The following SLC10A6 variants were observed in gnomAD, a reference collection of about 807,000 sequenced individuals.
SLC10A6 encodes solute carrier family 10 member 6.
SLC10A6 carries 27 observed loss-of-function variants against 30.0 expected under a neutral mutation model. The ratio of observed to expected loss-of-function variants is 0.90; its 90% CI spans 0.66 to 1.24. The LOEUF (loss-of-function observed/expected upper bound fraction) is 1.24, where lower values mean the gene tolerates loss of function less well. SLC10A6 is among the 50% of genes most tolerant of loss of function. The pLI is 0.00. For missense variants in SLC10A6, 439 were observed against 457.0 expected (o/e 0.96, Z 0.36); for synonymous variants, 166 against 173.8 (o/e 0.95, Z 0.36).
intron 1 of SLC10A6, among the ~76,000 whole-genome samples, chr4:86,847,862 C>T (rs528023629): frequency 1.3e-5 from 2 of 152,264 alleles, no homozygotes; most frequent in East Asian, 1.9e-4. Context: ...GGAAGTGAAA[C>T]GGCATGTTCA....
chr4:86,842,345 C>T (rs2149413477), intron 1 of SLC10A6, among the ~76,000 whole-genome samples: 1 of 152,316 alleles, frequency 6.6e-6, no homozygotes, highest in East Asian at 1.9e-4. Context: ...GACATAAATA[C>T]ATCCTTACGG....
At chr4:86,843,459 GA>G (rs1287346693) in intron 1 of SLC10A6, among the ~76,000 whole-genome samples, 1 of 152,148 alleles carries the variant, frequency 6.6e-6, no homozygotes, top group Non-Finnish European at 1.5e-5. Flanking sequence ...TACGGTAGAG[GA>G]AGGGGGACAT....
rs1378281593 is a variant in SLC10A6 at position 86,827,989 on chromosome 4, A to G, written c.761+4T>C. ...AAAAAAGTTTATGGATAGTTTAACT[A>G]TACCTTTGCCAAGACTGGTGGGTAA... is the stretch of plus-strand genomic sequence containing the variant. On this transcript the variant is annotated splice_donor_region_variant and intron_variant, in intron 4 of 5. Coordinates refer to ENST00000273905, the MANE Select transcript of SLC10A6 (RefSeq NM_197965.3). The G allele has an allele frequency of 6.2e-7, 1 of 1,613,008 alleles. No individual in the cohort carries two copies. Among genetic ancestry groups the G allele is most frequent in the Non-Finnish European group, 8.5e-7 (1 of 1,179,668 alleles).
rs988701754 is a variant in SLC10A6, at chr4:86,824,512, C to G, written c.920-610G>C. On this transcript the variant is annotated intron_variant, in intron 5 of 5. Transcript: ENST00000273905. Reference sequence around the variant, plus strand: ...TTGAGTCTTACTCAGACCCAATTCCCTAACAGCAGCAAAAATTTACCATGG... The same window carrying G: ...TTGAGTCTTACTCAGACCCAATTCCGTAACAGCAGCAAAAATTTACCATGG... Among the ~76,000 whole-genome samples the G allele has an allele frequency of 2.6e-5, 4 of 152,190 alleles. No individual in the cohort carries two copies. In the South Asian group the frequency reaches 8.3e-4, roughly 32 times the overall value.
chr4:86,846,550 T>A (rs1386342588), intron 1 of SLC10A6, among the ~76,000 whole-genome samples: 1 of 152,046 alleles, frequency 6.6e-6, no homozygotes, highest in Admixed American at 6.5e-5. Context: ...CGAAACCCCA[T>A]CTCTACTAAA....
rs1746399244 is a variant in SLC10A6, at chr4:86,846,780, C to CAT, written c.377+1957_377+1958dup. Among the ~76,000 whole-genome samples the CAT allele has an allele frequency of 2.6e-5, 4 of 152,056 alleles. No homozygotes were observed. The South Asian group carries it at 8.3e-4, about 32-fold the overall frequency. ...GTTTGAGTGTGTGTACATATATATA[C>CAT]ATATATATACAGTCTTGTGAGAAAT... is the stretch of plus-strand genomic sequence containing the variant. On this transcript the variant is annotated intron_variant, in intron 1 of 5. Coordinates refer to ENST00000273905, the MANE Select transcript of SLC10A6 (RefSeq NM_197965.3).
intron 4 of SLC10A6, among the ~76,000 whole-genome samples, chr4:86,827,170 C>T (rs895613877): frequency 6.6e-6 from 1 of 152,330 alleles, no homozygotes; most frequent in Middle Eastern, 3.4e-3. Context: ...TGGACTACAT[C>T]TTGCCATAGG....
At chr4:86,829,269 G>C (rs1200007538) in intron 3 of SLC10A6, among the ~76,000 whole-genome samples, 1 of 152,124 alleles carries the variant, frequency 6.6e-6, no homozygotes, top group Non-Finnish European at 1.5e-5. Context: ...AAATTAGCCA[G>C]GCGTGGTGAC....
rs77711775 is a variant in SLC10A6, at chr4:86,839,915, T to A, written c.378-6491A>T. 2.6e-3 allele frequency among the ~76,000 whole-genome samples: 375 copies of A among 144,136 alleles called. 2 individuals are homozygous for A. The highest frequency in any genetic ancestry group is 9.3e-3 in the African/African-American group (349 of 37,644). The allele number at this position is 144,136 out of a possible 152,430, so 94.6% of individuals were successfully genotyped here. ...TTGTTACACTCTTATTTTTTTTTTT[T>A]ATTTTTTTTTTTTAGCTGGAGCTCA... On this transcript the variant is annotated intron_variant, in intron 1 of 5. Coordinates refer to ENST00000273905, the MANE Select transcript of SLC10A6 (RefSeq NM_197965.3).
At chr4:86,827,717 A>T (rs1282474260) in intron 4 of SLC10A6, among the ~76,000 whole-genome samples, 1 of 152,214 alleles carries the variant, frequency 6.6e-6, no homozygotes, top group Non-Finnish European at 1.5e-5. Context: ...GCTTTCTTCT[A>T]CGAAGTGGGA....
chr4:86,833,173 G>C (rs553802879), intron 2 of SLC10A6, 133 bp downstream of exon 2: 17 of 638,954 alleles, frequency 2.7e-5, no homozygotes. Flanking sequence ...AATCTATACT[G>C]TAGGGTTCTT....
chr4:86,846,193 G>C (rs911900496), intron 1 of SLC10A6, among the ~76,000 whole-genome samples: 1 of 152,100 alleles, frequency 6.6e-6, no homozygotes, highest in East Asian at 1.9e-4. Flanking sequence ...CACCGTACTT[G>C]ATTTTCACCT....
At chr4:86,827,917 C>A in intron 4 of SLC10A6, 76 bp downstream of exon 4, 1 of 1,394,552 alleles carries the variant, frequency 7.2e-7, no homozygotes, top group East Asian at 2.4e-5. Flanking sequence ...TCTCCTGACA[C>A]AGGCAGCAAA....
At chr4:86,842,877 T>TCTTTCTTTCTTTCTTTCTTTCTTTC (rs201477476) in intron 1 of SLC10A6, among the ~76,000 whole-genome samples, 46 of 119,810 alleles carry the variant, frequency 3.8e-4, no homozygotes, top group East Asian at 1.2e-3. Flanking sequence ...TTTCTTTCTT[T>TCTTTCTTTCTTTCTTTCTTTCTTTC]TTTTTTTTGA....
Position 86,837,343 on chromosome 4 carries a change from A to AGGC in SLC10A6, c.378-3920_378-3919insGCC, listed in dbSNP as rs1553899234. Among the ~76,000 whole-genome samples, 423 of 102,964 alleles carry AGGC rather than the reference A, an allele frequency of 4.1e-3. 12 individuals carry two copies. Among genetic ancestry groups the AGGC allele is most frequent in the African/African-American group, 0.013 (337 of 25,182 alleles). 67.5% of individuals were successfully genotyped at this position (102,964 alleles called of 152,430 possible). A position where few individuals can be genotyped will look rare whatever the true frequency, so the allele number is the denominator to read the frequency against. On this transcript the variant is annotated intron_variant, in intron 1 of 5. Coordinates refer to ENST00000273905, the MANE Select transcript of SLC10A6 (RefSeq NM_197965.3). ...GAAGGAAGGAAGGAAGGAAGGAAGG[A>AGGC]AGGCAGGCAGGCAGGCTGGGATTTG...
chr4:86,832,433 T>C (rs917783343), intron 2 of SLC10A6, among the ~76,000 whole-genome samples: 58 of 152,120 alleles, frequency 3.8e-4, no homozygotes, highest in Non-Finnish European at 3.1e-4. Context: ...GGTGAAACCC[T>C]GTCTCTCCTA....
intron 3 of SLC10A6, among the ~76,000 whole-genome samples, chr4:86,830,308 G>C (rs1249635764): frequency 6.6e-6 from 1 of 152,194 alleles, no homozygotes; most frequent in African/African-American, 2.4e-5. Context: ...TGAGATGGGA[G>C]CATCATTTGA....
chr4:86,846,462 G>A (rs957152154), intron 1 of SLC10A6, among the ~76,000 whole-genome samples: 1 of 152,184 alleles, frequency 6.6e-6, no homozygotes, highest in African/African-American at 2.4e-5. Context: ...GCTCACGCCT[G>A]TAATCCCAGC....
At position 86,823,893 on chromosome 4, in the gene SLC10A6, G is replaced by A. The variant is rs778369946; in HGVS notation, c.929C>T (p.Thr310Met). 42 of 1,608,256 alleles carry A rather than the reference G, an allele frequency of 2.6e-5. No homozygotes were observed. The highest frequency in any genetic ancestry group is 2.0e-4 in the Admixed American group (12 of 59,310). Residue 310 changes from threonine to methionine, a missense_variant, in exon 6 of 6, where the codon ACG (threonine) becomes ATG (methionine). Physicochemically the swap from Thr to Met is moderately conservative, Grantham distance 81 (BLOSUM62 -1). Transcript: ENST00000273905. Reference protein sequence around the residue: ...DGFLIVAAYQTYKRRLKNKHG... With the variant: ...DGFLIVAAYQMYKRRLKNKHG... ...TTTGTTCTTCAATCTCCTCTTGTACGTCTGATATGCTAGGTGTTAAAACAT... is the reference window on the plus strand; with the variant it reads ...TTTGTTCTTCAATCTCCTCTTGTACATCTGATATGCTAGGTGTTAAAACAT...
Sources: allele counts gnomAD v4.1 joint callset (sites outside exome capture counted in the v4.1 genomes callset), GRCh38; gene constraint gnomAD v4.1.1; transcripts MANE v1.5; gene names NCBI Gene and HGNC (gene_info 2026-07-23, HGNC 2026-07-21).